BACH2: variants seen among roughly 807,000 people sequenced by gnomAD.
The protein encoded by BACH2 is transcription regulator protein BACH2.
BACH2 carries 5 observed loss-of-function variants against 61.8 expected under a neutral mutation model. The observed-to-expected ratio is 0.08, with a 90% CI of 0.04 to 0.17. BACH2 has a LOEUF of 0.17. BACH2 is among the 10% of genes least tolerant of loss of function. BACH2 has a pLI of 1.00. For synonymous variants in BACH2, 446 were observed against 440.1 expected (o/e 1.01, Z -0.17); for missense variants, 824 against 1,091.1 (o/e 0.76, Z 3.45).
chr6:90,084,929 G>T (rs1781868058), intron 5 of BACH2, among the ~76,000 whole-genome samples: 1 of 152,134 alleles, frequency 6.6e-6, no homozygotes, highest in South Asian at 2.1e-4. Context: ...CCTAGGGGTA[G>T]AGGGTAAAGG....
chr6:90,146,225 A>T (rs1784614959), intron 4 of BACH2, among the ~76,000 whole-genome samples: 1 of 152,118 alleles, frequency 6.6e-6, no homozygotes, highest in South Asian at 2.1e-4. Flanking sequence ...ATGTTACCTG[A>T]CTCTGTTGAA....
At chr6:90,049,907 T>C (rs1036185293) in intron 5 of BACH2, among the ~76,000 whole-genome samples, 4 of 152,318 alleles carry the variant, frequency 2.6e-5, no homozygotes, top group Admixed American at 6.5e-5. Flanking sequence ...CCATTTTTAC[T>C]TGAAAGAATG....
rs1772443007 is a variant in BACH2 at position 89,927,996 on chromosome 6, A to G, written c.*4412T>C. On this transcript the variant is annotated 3_prime_UTR_variant, in exon 9 of 9. Transcript: ENST00000257749. Reference sequence around the variant, plus strand: ...TGCCTCGTGCACACAGATTTCCTGTATGAATACCAACTCCACACAGGGCAT... The same window carrying G: ...TGCCTCGTGCACACAGATTTCCTGTGTGAATACCAACTCCACACAGGGCAT... 2 of 152,388 alleles carry G rather than the reference A, an allele frequency of 1.3e-5. No individual in the cohort carries two copies. The highest frequency in any genetic ancestry group is 6.5e-5 in the Admixed American group (1 of 15,282). 9.4% of individuals were successfully genotyped at this position (152,388 alleles called of 1,614,324 possible). A position where few individuals can be genotyped will look rare whatever the true frequency, so the allele number is the denominator to read the frequency against.
chr6:90,294,534 T>C (rs1772277034), intron 1 of BACH2, among the ~76,000 whole-genome samples: 1 of 152,232 alleles, frequency 6.6e-6, no homozygotes, highest in Non-Finnish European at 1.5e-5. Flanking sequence ...GAATTTATAA[T>C]GGAAATGCTG....
At chr6:90,267,113 C>G (rs1050013562) in intron 2 of BACH2, among the ~76,000 whole-genome samples, 1 of 151,976 alleles carries the variant, frequency 6.6e-6, no homozygotes, top group Non-Finnish European at 1.5e-5. Flanking sequence ...ACATCTCCCC[C>G]CCACCAAAAA....
intron 4 of BACH2, among the ~76,000 whole-genome samples, chr6:90,134,881 C>A (rs1784219586): frequency 6.6e-6 from 1 of 152,124 alleles, no homozygotes; most frequent in Non-Finnish European, 1.5e-5. Flanking sequence ...GGTCATGCCT[C>A]CCTGTCTCTG....
At chr6:90,295,133 G>A (rs1320879648) in intron 1 of BACH2, among the ~76,000 whole-genome samples, 2 of 152,018 alleles carry the variant, frequency 1.3e-5, no homozygotes, top group East Asian at 3.9e-4. Context: ...TCTCGCGGGT[G>A]GGGCGCCCCG....
At chr6:90,015,035 C>T (rs1777984955) in intron 5 of BACH2, among the ~76,000 whole-genome samples, 2 of 151,172 alleles carry the variant, frequency 1.3e-5, no homozygotes, top group South Asian at 4.2e-4. Flanking sequence ...CCTGCTTTGG[C>T]CCCCACAAAG....
At chr6:90,244,578 A>T (rs1770568725) in intron 3 of BACH2, among the ~76,000 whole-genome samples, 1 of 152,142 alleles carries the variant, frequency 6.6e-6, no homozygotes, top group Non-Finnish European at 1.5e-5. Flanking sequence ...TATATTGCTC[A>T]CCTGACAGCA....
intron 3 of BACH2, among the ~76,000 whole-genome samples, chr6:90,246,588 T>C (rs1770646575): frequency 6.6e-6 from 1 of 151,982 alleles, no homozygotes; most frequent in African/African-American, 2.4e-5. Context: ...CAAAAAAAAA[T>C]CATTTACCTT....
At chr6:90,280,661 T>C (rs1157895943) in intron 1 of BACH2, among the ~76,000 whole-genome samples, 3 of 152,162 alleles carry the variant, frequency 2.0e-5, no homozygotes, top group Non-Finnish European at 2.9e-5. Context: ...TCAGTAGGTG[T>C]GGGTGGCCCT....
intron 3 of BACH2, among the ~76,000 whole-genome samples, chr6:90,227,561 G>A (rs1769957685): frequency 6.6e-6 from 1 of 152,182 alleles, no homozygotes; most frequent in Admixed American, 6.5e-5. Context: ...CAAAAGAGAG[G>A]CATCCTAACC....
chr6:90,249,816 C>T (rs1020074179), intron 3 of BACH2, among the ~76,000 whole-genome samples: 1 of 152,128 alleles, frequency 6.6e-6, no homozygotes, highest in Non-Finnish European at 1.5e-5. Flanking sequence ...CAAAAAGCAA[C>T]ACTAAGCATT....
chr6:90,035,335 C>T (rs979130209), intron 5 of BACH2, among the ~76,000 whole-genome samples: 2 of 152,224 alleles, frequency 1.3e-5, no homozygotes, highest in African/African-American at 2.4e-5. Context: ...TTTATGGCCT[C>T]TTCCCATAAC....
chr6:90,123,053 TG>T (rs1321772890), intron 4 of BACH2, among the ~76,000 whole-genome samples: 1 of 152,192 alleles, frequency 6.6e-6, no homozygotes, highest in Non-Finnish European at 1.5e-5. Flanking sequence ...TTCTAGAACC[TG>T]GAAATGAAAC....
chr6:90,226,712 G>C (rs9444749), intron 3 of BACH2, among the ~76,000 whole-genome samples: 2,009 of 151,214 alleles, frequency 0.013, 48 homozygotes, highest in African/African-American at 0.046. Flanking sequence ...TTTTTTTTAA[G>C]AGGCAGGGTC....
intron 6 of BACH2, among the ~76,000 whole-genome samples, chr6:89,998,899 G>A (rs117174663): frequency 0.012 from 1,852 of 152,256 alleles, 21 homozygotes; most frequent in Non-Finnish European, 0.019. Flanking sequence ...CAACAATGGA[G>A]TTGAAACCTG....
chr6:90,263,919 T>G (rs1361270106), intron 2 of BACH2, among the ~76,000 whole-genome samples: 1 of 152,198 alleles, frequency 6.6e-6, no homozygotes, highest in African/African-American at 2.4e-5. Flanking sequence ...ACTCAGGTTT[T>G]AGATTGATGA....
intron 6 of BACH2, among the ~76,000 whole-genome samples, chr6:89,973,263 T>C (rs1775470461): frequency 2.5e-5 from 2 of 81,174 alleles, no homozygotes; most frequent in Admixed American, 1.5e-4. Flanking sequence ...AATAAGAAAA[T>C]ATAAAAAATA....
Sources: allele counts gnomAD v4.1 joint callset (sites outside exome capture counted in the v4.1 genomes callset), GRCh38; gene constraint gnomAD v4.1.1; transcripts MANE v1.5; gene names NCBI Gene and HGNC (gene_info 2026-07-23, HGNC 2026-07-21).